Variants in PIK3C2A observed in about 807,000 individuals in gnomAD.
PIK3C2A encodes the protein phosphatidylinositol 4-phosphate 3-kinase C2 domain-containing subunit alpha.
Under a neutral mutation model 204.5 loss-of-function variants are expected in PIK3C2A, and 97 were observed. The observed-to-expected ratio is 0.47, with a 90% CI of 0.40 to 0.56. PIK3C2A has a LOEUF of 0.56. Among genes scored for constraint, PIK3C2A ranks in the 20% least tolerant of loss-of-function variants. The pLI is 0.00. For synonymous variants in PIK3C2A, 653 were observed against 664.4 expected (o/e 0.98, Z 0.26); for missense variants, 1,735 against 1,969.2 (o/e 0.88, Z 2.25).
intron 15 of PIK3C2A, among the ~76,000 whole-genome samples, chr11:17,121,895 T>A (rs959789920): frequency 2.0e-5 from 3 of 151,970 alleles, no homozygotes; most frequent in South Asian, 2.1e-4. Context: ...TCCAGTCTAT[T>A]GTTTGCCTTT....
chr11:17,102,785 G>A lies in PIK3C2A; in HGVS notation c.3728C>T (p.Thr1243Ile), dbSNP rs1420168867. 2.5e-6 allele frequency: 4 copies of A among 1,612,420 alleles called. No homozygotes were observed. The highest frequency in any genetic ancestry group is 3.4e-6 in the Non-Finnish European group (4 of 1,178,598). ...TCGATCACAGATGCCTAAAACATAGGTGGCTACACAGCATCCAGCACAGGA... is the reference window on the plus strand; with the variant it reads ...TCGATCACAGATGCCTAAAACATAGATGGCTACACAGCATCCAGCACAGGA... ...IYSCAGCCVA[T>I]YVLGICDRHN... Residue 1243 changes from threonine (T) to isoleucine (I), a missense_variant, in exon 24 of 33, where the codon ACC (threonine) becomes ATC (isoleucine). Thr to Ile is a moderately conservative substitution (Grantham distance 89, BLOSUM62 -1). Coordinates refer to ENST00000691414, the MANE Select transcript of PIK3C2A (RefSeq NM_002645.4).
At chr11:17,143,633 A>C (rs1057463271) in intron 8 of PIK3C2A, among the ~76,000 whole-genome samples, 142 of 152,142 alleles carry the variant, frequency 9.3e-4, no homozygotes, top group Non-Finnish European at 1.4e-3. Flanking sequence ...TAAAAAAAAA[A>C]AAAACAAAAA....
At chr11:17,113,953 G>C (rs1330477820) in intron 20 of PIK3C2A, among the ~76,000 whole-genome samples, 1 of 150,718 alleles carries the variant, frequency 6.6e-6, no homozygotes, top group Middle Eastern at 3.2e-3. Flanking sequence ...GGTGGCGTGT[G>C]CCTGTAGTCC....
At chr11:17,199,739 A>C (rs1852297774) in intron 1 of PIK3C2A, among the ~76,000 whole-genome samples, 1 of 152,190 alleles carries the variant, frequency 6.6e-6, no homozygotes, top group African/African-American at 2.4e-5. Flanking sequence ...ATCCTGGCCA[A>C]CATGGTGAAA....
intron 23 of PIK3C2A, among the ~76,000 whole-genome samples, chr11:17,104,019 C>A (rs376476346): frequency 1.3e-5 from 2 of 152,232 alleles, no homozygotes; most frequent in South Asian, 4.1e-4. Flanking sequence ...GGTCAAAATT[C>A]CCCTGCATTA....
chr11:17,156,988 AT>A (rs753670020), intron 2 of PIK3C2A, among the ~76,000 whole-genome samples: 4 of 152,096 alleles, frequency 2.6e-5, no homozygotes, highest in African/African-American at 7.2e-5. Context: ...AATAAAAATA[AT>A]TTTTTATATC....
At position 17,088,769 on chromosome 11, in the gene PIK3C2A, C is replaced by A. The variant is rs1848216782; in HGVS notation, c.*969G>T. 1 of 152,168 alleles carries A rather than the reference C, an allele frequency of 6.6e-6. No individual in the cohort carries two copies. The highest frequency in any genetic ancestry group is 6.6e-5 in the Admixed American group (1 of 15,266). 9.4% of individuals were successfully genotyped at this position (152,168 alleles called of 1,614,324 possible). A position where few individuals can be genotyped will look rare whatever the true frequency, so the allele number is the denominator to read the frequency against. ...GGCCTCTTGTGAAGAGTCTGCCCTA[C>A]TCAGGAATGGGCACATGGGTTAACA... On this transcript the variant is annotated 3_prime_UTR_variant, in exon 33 of 33. Coordinates refer to ENST00000691414, the MANE Select transcript of PIK3C2A (RefSeq NM_002645.4).
At chr11:17,124,847 A>C (rs1849473682) in intron 13 of PIK3C2A, among the ~76,000 whole-genome samples, 1 of 152,078 alleles carries the variant, frequency 6.6e-6, no homozygotes, top group African/African-American at 2.4e-5. Flanking sequence ...TGTTCTGTAG[A>C]ATTTTCCATA....
chr11:17,158,937 G>GT (rs1438141449), intron 2 of PIK3C2A, among the ~76,000 whole-genome samples: 1 of 152,118 alleles, frequency 6.6e-6, no homozygotes, highest in Non-Finnish European at 1.5e-5. Context: ...AATCTGGAAA[G>GT]TTAACTCAAA....
intron 8 of PIK3C2A, among the ~76,000 whole-genome samples, chr11:17,143,977 GGTTTT>G (rs1429489336): frequency 6.6e-6 from 1 of 151,884 alleles, no homozygotes; most frequent in Non-Finnish European, 1.5e-5. Flanking sequence ...CCAGGGGTGT[GGTTTT>G]GTTAATTTTT....
chr11:17,118,523 C>T, intron 18 of PIK3C2A, 122 bp downstream of exon 18: 4 of 554,436 alleles, frequency 7.2e-6, no homozygotes, highest in South Asian at 2.9e-5. Context: ...AAAATAATAC[C>T]TTCAATAAAA....
rs1248503825 is a variant in PIK3C2A, at chr11:17,196,171, C to CA, written c.-66+11676dup. Among the ~76,000 whole-genome samples, 40 of 152,042 alleles carry CA rather than the reference C, an allele frequency of 2.6e-4. 1 individual carries two copies. In the Middle Eastern group the frequency reaches 0.014, roughly 52 times the overall value. ...AACTATCAAAAATCAGAAATCTCTCCAAAAAAATCTTAAAATCTCCATCTA... is the reference window on the plus strand; with the variant it reads ...AACTATCAAAAATCAGAAATCTCTCCAAAAAAAATCTTAAAATCTCCATCTA... On this transcript the variant is annotated intron_variant, in intron 1 of 32. Transcript: ENST00000691414.
Position 17,169,651 on chromosome 11 carries a change from C to T in PIK3C2A, c.91G>A (p.Ala31Thr). Residue 31 changes from alanine to threonine, a missense_variant, in exon 2 of 33, where the codon GCA becomes ACA. Ala to Thr is a moderately conservative substitution (Grantham distance 58, BLOSUM62 0). Coordinates refer to ENST00000691414, the MANE Select transcript of PIK3C2A (RefSeq NM_002645.4). The stretch of plus-strand genomic sequence containing the variant: ...AAAGCCTCTGCTTCCATCTGTAATG[C>T]TTCTTCTTTGTCCACATCTTTTGCT... ...TRAKDVDKEE[A>T]LQMEAEALAK... 1.2e-6 allele frequency: 2 copies of T among 1,613,400 alleles called. No individual in the cohort carries two copies. The highest frequency in any genetic ancestry group is 1.1e-5 in the South Asian group (1 of 91,080).
intron 1 of PIK3C2A, among the ~76,000 whole-genome samples, chr11:17,206,536 C>T (rs943654860): frequency 6.6e-6 from 1 of 151,182 alleles, no homozygotes; most frequent in African/African-American, 2.4e-5. Flanking sequence ...AAGCACCATT[C>T]TGCTGGGCAT....
chr11:17,129,677 C>T (rs888421541), intron 12 of PIK3C2A, among the ~76,000 whole-genome samples: 32 of 152,140 alleles, frequency 2.1e-4, no homozygotes, highest in African/African-American at 6.8e-4. Context: ...CTGCAACCTC[C>T]GCCTCCTGGG....
intron 22 of PIK3C2A, among the ~76,000 whole-genome samples, chr11:17,109,609 G>A (rs1393942615): frequency 6.6e-6 from 1 of 152,144 alleles, no homozygotes; most frequent in Non-Finnish European, 1.5e-5. Flanking sequence ...TTTTACCTGG[G>A]TTGGAGTGCA....
At position 17,086,770 on chromosome 11, in the gene PIK3C2A, G is replaced by T. The variant is rs1848174720; in HGVS notation, c.*2968C>A. The T allele has an allele frequency of 6.6e-6, 1 of 152,036 alleles. No individual in the cohort carries two copies. Among genetic ancestry groups the T allele is most frequent in the African/African-American group, 2.4e-5 (1 of 41,398 alleles). The allele number at this position is 152,036 out of a possible 1,614,324, so 9.4% of individuals were successfully genotyped here. A position where few individuals can be genotyped will look rare whatever the true frequency, so the allele number is the denominator to read the frequency against. On this transcript the variant is annotated 3_prime_UTR_variant, in exon 33 of 33. Coordinates refer to ENST00000691414, the MANE Select transcript of PIK3C2A (RefSeq NM_002645.4). ...ATATGCACTGCTAGTCAAACAACAT[G>T]GAAATGAATGTATGGATTATGATAG...
At chr11:17,174,028 G>A (rs1485459092) in intron 1 of PIK3C2A, among the ~76,000 whole-genome samples, 1 of 151,926 alleles carries the variant, frequency 6.6e-6, no homozygotes, top group Non-Finnish European at 1.5e-5. Flanking sequence ...GTTTTGCCAT[G>A]TTGGCCAGGC....
chr11:17,103,628 T>C (rs765262211), intron 23 of PIK3C2A, among the ~76,000 whole-genome samples: 5 of 152,182 alleles, frequency 3.3e-5, no homozygotes, highest in Non-Finnish European at 7.3e-5. Context: ...TGTGTGTGTG[T>C]GTGTATACAT....
Sources: gnomAD v4.1 joint callset for allele counts (sites outside exome capture counted in the v4.1 genomes callset) on GRCh38, gnomAD v4.1.1 for gene constraint, MANE v1.5 for transcripts, NCBI Gene and HGNC (gene_info 2026-07-23, HGNC 2026-07-21) for gene names.